Variants in CFAP61 observed in about 807,000 individuals in gnomAD.
CFAP61 encodes cilia and flagella associated protein 61.
Under a neutral mutation model 135.6 loss-of-function variants are expected in CFAP61, and 107 were observed. That is an observed-to-expected ratio of 0.79 (90% CI 0.67 to 0.93). The LOEUF is 0.93. Among genes scored for constraint, CFAP61 ranks in the 40% least tolerant of loss-of-function variants. The pLI is 0.00. For synonymous variants in CFAP61, 575 were observed against 578.5 expected (o/e 0.99, Z 0.09); for missense variants, 1,507 against 1,556.2 (o/e 0.97, Z 0.53).
intron 17 of CFAP61, among the ~76,000 whole-genome samples, chr20:20,227,314 TAAG>T (rs2048808893): frequency 6.6e-6 from 1 of 152,236 alleles, no homozygotes. Context: ...GATGAGGTGA[TAAG>T]AATATCTTTC....
intron 22 of CFAP61, among the ~76,000 whole-genome samples, chr20:20,278,914 T>C (rs1569233615): frequency 6.6e-6 from 1 of 152,198 alleles, no homozygotes; most frequent in Non-Finnish European, 1.5e-5. Context: ...GTTAGGGATG[T>C]AACAGTGAAA....
chr20:20,082,431 C>G (rs1473313434), intron 6 of CFAP61, among the ~76,000 whole-genome samples: 1 of 152,182 alleles, frequency 6.6e-6, no homozygotes, highest in Non-Finnish European at 1.5e-5. Context: ...CTGTTCTGTA[C>G]TTTTCATACT....
At chr20:20,142,754 T>A in intron 8 of CFAP61, 103 bp from the exon 9 acceptor site, 1 of 689,188 alleles carries the variant, frequency 1.5e-6, no homozygotes. Flanking sequence ...ATTCTTTAGA[T>A]CCATTGTAGT....
rs565885153 is a variant in CFAP61, at chr20:20,213,430, C to T, written c.1932+13528C>T. On this transcript the variant is annotated intron_variant, in intron 17 of 26. Transcript: ENST00000245957. ...GGGAGGGGAAAAGCAAGCCAGTGGG[C>T]TCAGAACATGAATTTAGAATTTCAG... is the stretch of plus-strand genomic sequence containing the variant. Among the ~76,000 whole-genome samples, 14 of 152,004 alleles carry T rather than the reference C, an allele frequency of 9.2e-5. No homozygotes were observed. In the South Asian group the frequency reaches 2.7e-3, roughly 29 times the overall value.
chr20:20,306,994 C>T (rs900244003), intron 25 of CFAP61, among the ~76,000 whole-genome samples: 20 of 152,178 alleles, frequency 1.3e-4, no homozygotes, highest in African/African-American at 4.8e-4. Context: ...CTGAACTCTT[C>T]ACCAAGCTTT....
At chr20:20,148,059 G>T (rs941176445) in intron 9 of CFAP61, among the ~76,000 whole-genome samples, 1 of 152,050 alleles carries the variant, frequency 6.6e-6, no homozygotes, top group Non-Finnish European at 1.5e-5. Flanking sequence ...CTAGTTGGCT[G>T]TTAAGTATTT....
intron 8 of CFAP61, among the ~76,000 whole-genome samples, chr20:20,140,931 T>G (rs1428460560): frequency 6.6e-6 from 1 of 151,894 alleles, no homozygotes; most frequent in Non-Finnish European, 1.5e-5. Flanking sequence ...TTTTTTTTTT[T>G]TTGTTTTTGG....
intron 8 of CFAP61, among the ~76,000 whole-genome samples, chr20:20,116,963 C>A (rs114668086): frequency 4.6e-4 from 70 of 152,264 alleles, no homozygotes; most frequent in African/African-American, 1.6e-3. Flanking sequence ...ATTTGGCTTG[C>A]TAGTATTTTG....
At chr20:20,115,035 C>T (rs569975387) in intron 8 of CFAP61, among the ~76,000 whole-genome samples, 5 of 152,026 alleles carry the variant, frequency 3.3e-5, no homozygotes, top group Non-Finnish European at 5.9e-5. Flanking sequence ...CATTGATTGA[C>T]TTTTTTATGT....
chr20:20,091,480 T>C (rs1237857889), intron 7 of CFAP61, among the ~76,000 whole-genome samples: 2 of 138,978 alleles, frequency 1.4e-5, no homozygotes, highest in East Asian at 4.4e-4. Context: ...TAATTCCCTC[T>C]CTCTCTCTCT....
At chr20:20,226,905 G>A in intron 17 of CFAP61, among the ~76,000 whole-genome samples, 1 of 152,258 alleles carries the variant, frequency 6.6e-6, no homozygotes, top group East Asian at 1.9e-4. Context: ...CAAATTAAAG[G>A]TGGGAGTTGT....
intron 21 of CFAP61, among the ~76,000 whole-genome samples, chr20:20,266,567 C>A (rs190421314): frequency 1.3e-5 from 2 of 152,130 alleles, no homozygotes; most frequent in African/African-American, 4.8e-5. Flanking sequence ...TTTTTGCATT[C>A]GGCCTACCTG....
At chr20:20,237,555 C>A (rs1316255919) in intron 18 of CFAP61, among the ~76,000 whole-genome samples, 2 of 152,192 alleles carry the variant, frequency 1.3e-5, no homozygotes, top group South Asian at 2.1e-4. Flanking sequence ...TCTTCGGTCT[C>A]CCCCTGGAGG....
chr20:20,145,356 C>T (rs192674672), intron 9 of CFAP61, among the ~76,000 whole-genome samples: 2 of 152,190 alleles, frequency 1.3e-5, no homozygotes, highest in Admixed American at 1.3e-4. Flanking sequence ...AGATGTACCA[C>T]TAATGTTATA....
chr20:20,296,054 C>G (rs1406494122), intron 24 of CFAP61, among the ~76,000 whole-genome samples: 4 of 61,758 alleles, frequency 6.5e-5, no homozygotes, highest in East Asian at 4.3e-4. Flanking sequence ...TCCCTTCCTT[C>G]CCTTCCTTCC....
intron 9 of CFAP61, among the ~76,000 whole-genome samples, chr20:20,157,830 A>G (rs1400720103): frequency 1.3e-5 from 2 of 152,246 alleles, no homozygotes; most frequent in African/African-American, 2.4e-5. Flanking sequence ...GAATGAAAAG[A>G]CAAGCTACAG....
intron 16 of CFAP61, among the ~76,000 whole-genome samples, chr20:20,199,236 T>G (rs576624099): frequency 4.6e-5 from 7 of 152,238 alleles, no homozygotes; most frequent in Admixed American, 3.9e-4. Context: ...TCTAAAACAG[T>G]TTTTGTTGTT....
At chr20:20,256,793 C>A (rs6136974) in intron 20 of CFAP61, among the ~76,000 whole-genome samples, 15 of 152,040 alleles carry the variant, frequency 9.9e-5, no homozygotes, top group African/African-American at 3.4e-4. Context: ...CTTTTTTACC[C>A]GAAAAACATA....
In CFAP61 at chr20:20,121,690, C is replaced by T. The variant is rs967417232; in HGVS notation, c.860-21167C>T. Among the ~76,000 whole-genome samples the T allele has an allele frequency of 4.6e-5, 7 of 151,966 alleles. 1 individual carries two copies. Among genetic ancestry groups the T allele is most frequent in the South Asian group, 4.2e-4 (2 of 4,808 alleles). On this transcript the variant is annotated intron_variant, in intron 8 of 26. Coordinates refer to ENST00000245957, the MANE Select transcript of CFAP61 (RefSeq NM_015585.4). ...TTGTATTTTAGTTGAGATGGTGTTT[C>T]GCCATGTTGGCCATGCTGGTCTTGA...
Sources: allele counts gnomAD v4.1 joint callset (sites outside exome capture counted in the v4.1 genomes callset), GRCh38; gene constraint gnomAD v4.1.1; transcripts MANE v1.5; gene names NCBI Gene and HGNC (gene_info 2026-07-23, HGNC 2026-07-21).